The following ADAMTS6 variants were observed in gnomAD, a reference collection of about 807,000 sequenced individuals.
The protein encoded by ADAMTS6 is A disintegrin and metalloproteinase with thrombospondin motifs 6.
Under a neutral mutation model 144.3 loss-of-function variants are expected in ADAMTS6, and 23 were observed. That is an observed-to-expected ratio of 0.16 (90% confidence interval 0.11 to 0.23). The LOEUF is 0.23. ADAMTS6 is among the 10% of genes least tolerant of loss of function. ADAMTS6 has a pLI of 1.00. For synonymous variants in ADAMTS6, 444 were observed against 457.5 expected (o/e 0.97, Z 0.38); for missense variants, 999 against 1,379.6 (o/e 0.72, Z 4.37).
intron 9 of ADAMTS6, among the ~76,000 whole-genome samples, chr5:65,309,836 G>T (rs530019020): frequency 6.6e-6 from 1 of 152,054 alleles, no homozygotes; most frequent in Non-Finnish European, 1.5e-5. Flanking sequence ...GCTGGGCACC[G>T]TGACTCATGC....
intron 21 of ADAMTS6, among the ~76,000 whole-genome samples, chr5:65,194,778 A>G (rs1755230456): frequency 1.3e-5 from 2 of 152,190 alleles, no homozygotes; most frequent in African/African-American, 4.8e-5. Context: ...TTTGAATTCC[A>G]TTCCCCATCT....
chr5:65,332,413 G>A (rs1746852839), intron 8 of ADAMTS6, among the ~76,000 whole-genome samples: 1 of 149,758 alleles, frequency 6.7e-6, no homozygotes, highest in African/African-American at 2.5e-5. Context: ...AAAAATACTA[G>A]CTCTGGCTAA....
chr5:65,300,184 C>G, intron 9 of ADAMTS6, 53 bp from the exon 10 acceptor site: 1 of 1,549,420 alleles, frequency 6.5e-7, no homozygotes, highest in Non-Finnish European at 8.8e-7. Flanking sequence ...AAAACCCCAA[C>G]ACATCCCTTA....
At chr5:65,201,812 G>A (rs1755757946) in intron 20 of ADAMTS6, among the ~76,000 whole-genome samples, 1 of 152,124 alleles carries the variant, frequency 6.6e-6, no homozygotes. Flanking sequence ...TGTGTCTGGT[G>A]GCTAAGGCAA....
chr5:65,446,860 G>T (rs754141312), intron 7 of ADAMTS6, among the ~76,000 whole-genome samples: 57 of 152,124 alleles, frequency 3.7e-4, no homozygotes, highest in Non-Finnish European at 7.1e-4. Context: ...GGGAGTGATG[G>T]AATGTTCTAA....
intron 7 of ADAMTS6, among the ~76,000 whole-genome samples, chr5:65,352,294 G>T (rs1748927898): frequency 6.6e-6 from 1 of 151,104 alleles, no homozygotes; most frequent in Non-Finnish European, 1.5e-5. Context: ...TTAAATCAGT[G>T]AAATTCTTAC....
intron 9 of ADAMTS6, among the ~76,000 whole-genome samples, chr5:65,310,040 C>T (rs1236041432): frequency 6.6e-6 from 1 of 152,128 alleles, no homozygotes; most frequent in East Asian, 1.9e-4. Flanking sequence ...GTACCACCCC[C>T]ACTTGGTACT....
In ADAMTS6 at chr5:65,242,146, G is replaced by C. The variant is rs1759244571; in HGVS notation, c.1891C>G (p.Pro631Ala). ...EKQCADFDNMPFRGKYYNWKP... is the reference protein window; with the variant it reads ...EKQCADFDNMAFRGKYYNWKP... Reference sequence around the variant, plus strand: ...CAGTTATAATACTTTCCTCGGAAAGGCATATTGTCAAAGTCTGCACACTGT... The same window carrying C: ...CAGTTATAATACTTTCCTCGGAAAGCCATATTGTCAAAGTCTGCACACTGT... Residue 631 changes from proline to alanine, a missense_variant, in exon 15 of 25, where the codon CCT becomes GCT. By Grantham distance (27) the Pro-to-Ala change is conservative. Coordinates refer to ENST00000381055, the MANE Select transcript of ADAMTS6 (RefSeq NM_197941.4). The C allele has an allele frequency of 6.2e-7, 1 of 1,603,532 alleles. No individual in the cohort carries two copies. Among genetic ancestry groups the C allele is most frequent in the African/African-American group, 1.3e-5 (1 of 74,832 alleles).
chr5:65,342,512 T>C (rs10071507), intron 7 of ADAMTS6, among the ~76,000 whole-genome samples: 41,572 of 152,008 alleles, frequency 0.27, 6,599 homozygotes, highest in South Asian at 0.4. Context: ...CAAGATGAGA[T>C]TTGGGTGGGG....
chr5:65,375,909 C>T (rs1468442500), intron 7 of ADAMTS6, among the ~76,000 whole-genome samples: 1 of 152,194 alleles, frequency 6.6e-6, no homozygotes, highest in Non-Finnish European at 1.5e-5. Context: ...GGCACATATA[C>T]ACCATGGAAT....
At chr5:65,282,833 G>C (rs1763090325) in intron 11 of ADAMTS6, among the ~76,000 whole-genome samples, 1 of 152,048 alleles carries the variant, frequency 6.6e-6, no homozygotes, top group South Asian at 2.1e-4. Context: ...TAGATTTTCA[G>C]GTTTACTTTG....
Position 65,451,387 on chromosome 5 carries a change from T to C in ADAMTS6, c.1073+88A>G, listed in dbSNP as rs1257259912. On this transcript the variant is annotated intron_variant, in intron 7 of 24. Transcript: ENST00000381055. Reference sequence around the variant, plus strand: ...CATTTTGCTTTCTCTATACTCATTATCTGAATGAGGCTTTACATAGAACCA... The same window carrying C: ...CATTTTGCTTTCTCTATACTCATTACCTGAATGAGGCTTTACATAGAACCA... 1.4e-5 allele frequency: 20 copies of C among 1,467,318 alleles called. No individual in the cohort carries two copies. In the South Asian group the frequency reaches 2.2e-4, roughly 16 times the overall value. 90.9% of individuals were successfully genotyped at this position (1,467,318 alleles called of 1,614,324 possible).
At chr5:65,230,023 A>G (rs1250108660) in intron 15 of ADAMTS6, among the ~76,000 whole-genome samples, 1 of 151,996 alleles carries the variant, frequency 6.6e-6, no homozygotes, top group Non-Finnish European at 1.5e-5. Flanking sequence ...GATTCATAAC[A>G]TACAAGGGAA....
chr5:65,221,200 C>G (rs1757301937), intron 18 of ADAMTS6, among the ~76,000 whole-genome samples: 1 of 152,084 alleles, frequency 6.6e-6, no homozygotes, highest in South Asian at 2.1e-4. Flanking sequence ...ACAAGAAAGA[C>G]TCTAGAAAAA....
chr5:65,163,774 G>A (rs1752938552), intron 24 of ADAMTS6, among the ~76,000 whole-genome samples: 2 of 152,162 alleles, frequency 1.3e-5, no homozygotes, highest in African/African-American at 2.4e-5. Flanking sequence ...GACCCTGCCT[G>A]TATTTTCATG....
chr5:65,425,950 A>G (rs1473605509), intron 7 of ADAMTS6, among the ~76,000 whole-genome samples: 1 of 151,636 alleles, frequency 6.6e-6, no homozygotes, highest in Non-Finnish European at 1.5e-5. Flanking sequence ...TTTTTAGTAG[A>G]GACGGGATTT....
intron 11 of ADAMTS6, among the ~76,000 whole-genome samples, chr5:65,286,415 A>T (rs1741668926): frequency 6.6e-6 from 1 of 152,178 alleles, no homozygotes; most frequent in Non-Finnish European, 1.5e-5. Context: ...CCTACTGATA[A>T]AACATTCTTC....
At chr5:65,333,886 G>T (rs191465142) in intron 8 of ADAMTS6, among the ~76,000 whole-genome samples, 156 bp downstream of exon 8, 1 of 150,418 alleles carries the variant, frequency 6.6e-6, no homozygotes, top group Non-Finnish European at 1.5e-5. Context: ...CACAAAGGCT[G>T]GGTGTAACAG....
chr5:65,279,175 G>A (rs1046731821), intron 11 of ADAMTS6, among the ~76,000 whole-genome samples: 1 of 152,002 alleles, frequency 6.6e-6, no homozygotes, highest in Non-Finnish European at 1.5e-5. Context: ...GAACTCCTGA[G>A]CTCAAGGAAT....
Sources: allele counts gnomAD v4.1 joint callset (sites outside exome capture counted in the v4.1 genomes callset), GRCh38; gene constraint gnomAD v4.1.1; transcripts MANE v1.5; gene names NCBI Gene and HGNC (gene_info 2026-07-23, HGNC 2026-07-21).